MAGI1: variants seen among roughly 807,000 people sequenced by gnomAD.
The protein encoded by MAGI1 is membrane associated guanylate kinase, WW and PDZ domain containing 1, also known as membrane-associated guanylate kinase, WW and PDZ domain-containing protein 1.
MAGI1 carries 58 observed loss-of-function variants against 139.9 expected under a neutral mutation model. The observed-to-expected ratio is 0.41, with a 90% confidence interval of 0.34 to 0.52. The LOEUF (loss-of-function observed/expected upper bound fraction) is 0.52. Ranked by LOEUF, MAGI1 falls within the 20% of genes least tolerant of loss-of-function variation. The pLI, the probability that MAGI1 is intolerant of heterozygous loss-of-function variation, is 0.12. For missense variants in MAGI1, 1,874 were observed against 1,901.6 expected (o/e 0.99, Z 0.27); for synonymous variants, 812 against 737.9 (o/e 1.10, Z -1.63).
intron 1 of MAGI1, among the ~76,000 whole-genome samples, chr3:65,798,424 G>A (rs1429629371): frequency 6.6e-6 from 1 of 152,124 alleles, no homozygotes; most frequent in Non-Finnish European, 1.5e-5. Flanking sequence ...AGGACCCATG[G>A]AGCAGACATC....
intron 18 of MAGI1, among the ~76,000 whole-genome samples, chr3:65,367,870 C>T (rs9835216): frequency 0.041 from 6,286 of 152,106 alleles, 147 homozygotes; most frequent in Non-Finnish European, 0.046. Context: ...TACTACCAAC[C>T]TCACCAAGCA....
At chr3:65,607,110 TTAAA>T (rs1269813821) in intron 2 of MAGI1, among the ~76,000 whole-genome samples, 2 of 152,020 alleles carry the variant, frequency 1.3e-5, no homozygotes, top group Admixed American at 6.6e-5. Context: ...TATGTACATG[TTAAA>T]TAAATAACAA....
chr3:65,375,300 T>C (rs1001998678), intron 18 of MAGI1, among the ~76,000 whole-genome samples: 3 of 151,652 alleles, frequency 2.0e-5, no homozygotes, highest in Admixed American at 1.3e-4. Context: ...ACCATCCTCC[T>C]GCCTCAGCCT....
chr3:65,907,876 C>G (rs1264731417), intron 1 of MAGI1, among the ~76,000 whole-genome samples: 1 of 152,174 alleles, frequency 6.6e-6, no homozygotes, highest in Admixed American at 6.5e-5. Context: ...ATTTGCCTGA[C>G]TTGGCCTCAT....
chr3:65,976,186 A>T (rs2065254822), intron 1 of MAGI1, among the ~76,000 whole-genome samples: 1 of 152,228 alleles, frequency 6.6e-6, no homozygotes, highest in African/African-American at 2.4e-5. Context: ...TATGTGACAT[A>T]AGATGATATT....
intron 1 of MAGI1, among the ~76,000 whole-genome samples, chr3:65,963,313 T>TAAAA (rs760893715): frequency 1.9e-5 from 2 of 104,220 alleles, no homozygotes; most frequent in Admixed American, 1.9e-4. Context: ...CTCTGTCTCT[T>TAAAA]AAAAAAAAAA....
chr3:65,560,981 G>C (rs2080319736), intron 2 of MAGI1, among the ~76,000 whole-genome samples: 1 of 152,114 alleles, frequency 6.6e-6, no homozygotes. Flanking sequence ...AATTCTTAGG[G>C]ATACAAAACT....
intron 2 of MAGI1, among the ~76,000 whole-genome samples, chr3:65,506,686 T>C (rs1015903981): frequency 2.0e-5 from 3 of 152,314 alleles, no homozygotes; most frequent in South Asian, 2.1e-4. Context: ...TATTGAAATA[T>C]AATGTCTAAA....
intron 5 of MAGI1, among the ~76,000 whole-genome samples, chr3:65,460,585 TGTGCAGAAC>T (rs1949712612): frequency 6.6e-6 from 1 of 152,178 alleles, no homozygotes; most frequent in Non-Finnish European, 1.5e-5. Flanking sequence ...CAGGGATACA[TGTGCAGAAC>T]ATGCAGATTT....
rs1170215972 is a variant in MAGI1, at chr3:65,548,511, CTTTTTTTTTTTTT to C, written c.431-54893_431-54881del. ...AGCCCAGCTTTATGCAAACAACACTCTTTTTTTTTTTTTTTTTTTTTTTTTTTTTGAGACGGAG... is the reference window on the plus strand; with the variant it reads ...AGCCCAGCTTTATGCAAACAACACTCTTTTTTTTTTTTTTTTGAGACGGAG... On this transcript the variant is annotated intron_variant, in intron 2 of 22. Coordinates refer to ENST00000402939, the MANE Select transcript of MAGI1 (RefSeq NM_001033057.2). Among the ~76,000 whole-genome samples, 294 of 87,390 alleles carry C rather than the reference CTTTTTTTTTTTTT, an allele frequency of 3.4e-3. 5 individuals carry two copies. The highest frequency in any genetic ancestry group is 0.012 in the African/African-American group (263 of 21,306). 57.3% of individuals were successfully genotyped at this position (87,390 alleles called of 152,430 possible).
At chr3:65,977,229 T>C (rs1393690828) in intron 1 of MAGI1, among the ~76,000 whole-genome samples, 1 of 152,180 alleles carries the variant, frequency 6.6e-6, no homozygotes, top group Non-Finnish European at 1.5e-5. Flanking sequence ...CATCCCGCAG[T>C]GGCATATGTG....
At chr3:65,835,028 C>T (rs768265252) in intron 1 of MAGI1, among the ~76,000 whole-genome samples, 12 of 152,084 alleles carry the variant, frequency 7.9e-5, no homozygotes, top group Non-Finnish European at 1.2e-4. Flanking sequence ...TGTTTTAGTC[C>T]ACGCTGCCAA....
chr3:65,435,050 A>G (rs1316580952), intron 10 of MAGI1, among the ~76,000 whole-genome samples: 2 of 152,180 alleles, frequency 1.3e-5, no homozygotes, highest in Admixed American at 1.3e-4. Context: ...CCGTCTATAA[A>G]CCACGAAGTG....
intron 1 of MAGI1, among the ~76,000 whole-genome samples, chr3:65,644,516 G>A (rs771965082): frequency 4.0e-5 from 6 of 151,584 alleles, no homozygotes; most frequent in Admixed American, 6.6e-5. Context: ...AGCAGTGATC[G>A]TACCACTGCA....
intron 1 of MAGI1, among the ~76,000 whole-genome samples, chr3:65,921,233 G>A (rs1364916659): frequency 1.3e-5 from 2 of 151,790 alleles, no homozygotes; most frequent in Admixed American, 6.6e-5. Context: ...TTTTGCTCAG[G>A]CCAATGTATA....
chr3:65,537,893 G>C (rs542985722), intron 2 of MAGI1, among the ~76,000 whole-genome samples: 1 of 151,876 alleles, frequency 6.6e-6, no homozygotes, highest in Non-Finnish European at 1.5e-5. Context: ...CAAGGCGGTC[G>C]GATCACCTGA....
rs543953058 is a variant in MAGI1, at chr3:65,922,659, T to G, written c.313+115337A>C. Among the ~76,000 whole-genome samples, 4 of 152,244 alleles carry G rather than the reference T, an allele frequency of 2.6e-5. No homozygotes were observed. In the South Asian group the frequency reaches 6.2e-4, roughly 24 times the overall value. On this transcript the variant is annotated intron_variant, in intron 1 of 22. Transcript: ENST00000402939. ...ATTTCTGATGTTTTAAGTCACCCAG[T>G]TTGTGATATTTTATTACAGCAGCCC...
chr3:65,826,009 T>G (rs1468365635), intron 1 of MAGI1, among the ~76,000 whole-genome samples: 1 of 152,018 alleles, frequency 6.6e-6, no homozygotes, highest in Non-Finnish European at 1.5e-5. Context: ...TAATAAAATT[T>G]TTGAATTTTA....
At chr3:65,532,207 C>T (rs1376930371) in intron 2 of MAGI1, among the ~76,000 whole-genome samples, 2 of 152,160 alleles carry the variant, frequency 1.3e-5, no homozygotes, top group Non-Finnish European at 2.9e-5. Flanking sequence ...CTATTGGGAG[C>T]AATTTTTTTG....
Sources: allele counts gnomAD v4.1 joint callset (sites outside exome capture counted in the v4.1 genomes callset), GRCh38; gene constraint gnomAD v4.1.1; transcripts MANE v1.5; gene names NCBI Gene and HGNC (gene_info 2026-07-23, HGNC 2026-07-21).